Variants in GKAP1 observed in about 807,000 individuals in gnomAD.
The protein encoded by GKAP1 is G kinase anchoring protein 1, also known as G kinase-anchoring protein 1.
In GKAP1, 31 loss-of-function variants were observed where a neutral mutation model predicts 56.7. The observed-to-expected ratio is 0.55, with a 90% confidence interval of 0.41 to 0.74. The LOEUF (loss-of-function observed/expected upper bound fraction) is 0.74, where lower values mean the gene tolerates loss of function less well. Ranked by LOEUF, GKAP1 falls within the 30% of genes least tolerant of loss-of-function variation. GKAP1 has a pLI of 0.00. For missense variants in GKAP1, 364 were observed against 402.3 expected, an observed-to-expected ratio of 0.90 and a Z score of 0.82; for synonymous variants, 151 against 138.6, an observed-to-expected ratio of 1.09 and a Z score of -0.63.
chr9:83,740,260 T>C (rs1451873531), intron 12 of GKAP1, among the ~76,000 whole-genome samples: 1 of 152,170 alleles, frequency 6.6e-6, no homozygotes, highest in Non-Finnish European at 1.5e-5. Flanking sequence ...TATATAAATT[T>C]GTATTTAATT....
chr9:83,770,369 T>C (rs1943736468), intron 7 of GKAP1, among the ~76,000 whole-genome samples: 1 of 152,342 alleles, frequency 6.6e-6, no homozygotes, highest in African/African-American at 2.4e-5. Flanking sequence ...CTCTTCTGCA[T>C]GACAATATCC....
intron 8 of GKAP1, among the ~76,000 whole-genome samples, chr9:83,762,543 A>G (rs2131258475): frequency 6.6e-6 from 1 of 152,314 alleles, no homozygotes; most frequent in South Asian, 2.1e-4. Flanking sequence ...ACAGAAATAG[A>G]AAAACAATCC....
rs1404301077 is a variant in GKAP1, at chr9:83,739,507, T to C, written c.*190A>G. On this transcript the variant is annotated 3_prime_UTR_variant, in exon 13 of 13. Coordinates refer to ENST00000376371, the MANE Select transcript of GKAP1 (RefSeq NM_025211.4). ...ATAGTAGACAACCACTGAATTCTGC[T>C]GGAATTCTCTATTTCTTCTTTTTCA... 1 of 423,698 alleles carries C rather than the reference T, an allele frequency of 2.4e-6. No individual in the cohort carries two copies. 26.2% of individuals were successfully genotyped at this position (423,698 alleles called of 1,614,324 possible).
intron 4 of GKAP1, among the ~76,000 whole-genome samples, chr9:83,796,210 G>C (rs1378613426): frequency 2.0e-5 from 3 of 151,988 alleles, no homozygotes; most frequent in Admixed American, 6.6e-5. Flanking sequence ...GGGATTACAG[G>C]CATGAGCCAC....
Position 83,779,481 on chromosome 9 carries a change from A to G in GKAP1, c.585+901T>C, listed in dbSNP as rs1564201537. On this transcript the variant is annotated intron_variant, in intron 7 of 12. Transcript: ENST00000376371. ...CACACACACGCACATATACATATAC[A>G]TACATATATACACATATACACATAT... 2.4e-3 allele frequency among the ~76,000 whole-genome samples: 314 copies of G among 128,876 alleles called. 7 individuals are homozygous for G. The highest frequency in any genetic ancestry group is 4.7e-3 in the Non-Finnish European group (263 of 55,976). 84.5% of individuals were successfully genotyped at this position (128,876 alleles called of 152,430 possible).
chr9:83,754,651 C>A (rs1235135247), intron 8 of GKAP1, among the ~76,000 whole-genome samples: 1 of 152,122 alleles, frequency 6.6e-6, no homozygotes, highest in Non-Finnish European at 1.5e-5. Context: ...AAAAAATAAA[C>A]CAGTATGGTA....
intron 4 of GKAP1, among the ~76,000 whole-genome samples, chr9:83,791,261 G>A (rs1180030578): frequency 2.0e-5 from 3 of 152,068 alleles, no homozygotes; most frequent in African/African-American, 7.2e-5. Context: ...AAATTAGCCG[G>A]ACGTGGTGGC....
At chr9:83,774,230 A>G (rs1282504028) in intron 7 of GKAP1, among the ~76,000 whole-genome samples, 1 of 152,162 alleles carries the variant, frequency 6.6e-6, no homozygotes. Context: ...ACCTAAAACT[A>G]CAAGAATCCT....
At chr9:83,812,377 T>C (rs1944523889) in intron 2 of GKAP1, among the ~76,000 whole-genome samples, 1 of 148,344 alleles carries the variant, frequency 6.7e-6, no homozygotes, top group Non-Finnish European at 1.5e-5. Context: ...TTAGACAGGG[T>C]CTTACTCACA....
At chr9:83,798,758 C>T (rs912098658) in intron 4 of GKAP1, among the ~76,000 whole-genome samples, 3 of 152,096 alleles carry the variant, frequency 2.0e-5, no homozygotes, top group Non-Finnish European at 4.4e-5. Context: ...TCAAGCCATC[C>T]ACCCGCCTCA....
chr9:83,769,965 G>A (rs1037837082), intron 7 of GKAP1, among the ~76,000 whole-genome samples: 2 of 152,174 alleles, frequency 1.3e-5, no homozygotes, highest in Non-Finnish European at 2.9e-5. Context: ...GAATGGTGCT[G>A]AACATCCCTT....
rs113252801 is a variant in GKAP1 at position 83,758,618 on chromosome 9, G to A, written c.739-5259C>T. On this transcript the variant is annotated intron_variant, in intron 8 of 12. Transcript: ENST00000376371. The stretch of plus-strand genomic sequence containing the variant: ...TAATAAATTAGCTGGGCGTGGTGGT[G>A]CATGCCAGTAATCCCAGCTACTTGG... Among the ~76,000 whole-genome samples the A allele has an allele frequency of 6.6e-5, 10 of 151,778 alleles. 1 individual carries two copies. Among genetic ancestry groups the A allele is most frequent in the African/African-American group, 2.4e-4 (10 of 41,324 alleles).
chr9:83,792,993 T>C, intron 4 of GKAP1: 1 of 1,279,786 alleles, frequency 7.8e-7, no homozygotes, highest in Non-Finnish European at 1.0e-6. Flanking sequence ...TCCTCTTGAC[T>C]TCCTCATTGC....
intron 10 of GKAP1, among the ~76,000 whole-genome samples, chr9:83,743,356 A>C (rs528750958): frequency 5.9e-5 from 9 of 152,188 alleles, no homozygotes; most frequent in African/African-American, 2.2e-4. Flanking sequence ...GCACTTTGGG[A>C]GGCTGAGGCA....
intron 2 of GKAP1, among the ~76,000 whole-genome samples, chr9:83,809,092 C>T (rs946238933): frequency 6.6e-6 from 1 of 152,204 alleles, no homozygotes; most frequent in Non-Finnish European, 1.5e-5. Context: ...TTACACCTTA[C>T]ACAAAAAAAT....
chr9:83,810,499 G>GT lies in GKAP1; in HGVS notation c.-43-3940dup, dbSNP rs989189490. On this transcript the variant is annotated intron_variant, in intron 2 of 12. Coordinates refer to ENST00000376371, the MANE Select transcript of GKAP1 (RefSeq NM_025211.4). ...ACTTATCCTATACTATAACAAAAAC[G>GT]TTTTTCACATTTTTTTCCATCTAGT... Among the ~76,000 whole-genome samples the GT allele has an allele frequency of 2.0e-5, 3 of 152,270 alleles. No homozygotes were observed. In the South Asian group the frequency reaches 6.2e-4, roughly 32 times the overall value.
chr9:83,740,716 A>G (rs1761073111), intron 12 of GKAP1, among the ~76,000 whole-genome samples: 1 of 152,182 alleles, frequency 6.6e-6, no homozygotes, highest in South Asian at 2.1e-4. Context: ...TCCAATGATC[A>G]GCCAAGTTTG....
chr9:83,791,326 C>CCA (rs1944155612), intron 4 of GKAP1, among the ~76,000 whole-genome samples: 1 of 151,924 alleles, frequency 6.6e-6, no homozygotes, highest in South Asian at 2.1e-4. Context: ...TGGTGTGAAC[C>CCA]CAGGAGGCGG....
intron 3 of GKAP1, 111 bp from the exon 4 acceptor site, chr9:83,799,439 C>T: frequency 1.4e-6 from 1 of 713,064 alleles, no homozygotes; most frequent in South Asian, 1.8e-5. Flanking sequence ...ACTGAAACCA[C>T]TCGTTTTGCT....
Sources: allele counts gnomAD v4.1 joint callset (sites outside exome capture counted in the v4.1 genomes callset), GRCh38; gene constraint gnomAD v4.1.1; transcripts MANE v1.5; gene names NCBI Gene and HGNC (gene_info 2026-07-23, HGNC 2026-07-21).